Variants in LRRC71 observed in about 807,000 individuals in gnomAD.
LRRC71 encodes the protein leucine-rich repeat-containing protein 71.
A neutral mutation model predicts 66.6 loss-of-function variants in LRRC71; 54 were observed. The observed-to-expected ratio is 0.81, with a 90% CI of 0.65 to 1.02. The LOEUF is 1.02. Ranked by LOEUF, LRRC71 falls within the 50% of genes least tolerant of loss-of-function variation. LRRC71 has a pLI of 0.00. For missense variants in LRRC71, 724 were observed against 718.0 expected (o/e 1.01, Z -0.10); for synonymous variants, 323 against 303.9 (o/e 1.06, Z -0.65).
chr1:156,928,402 TTCTTCCTCTTATTCCTCCTCCTCC>T (rs1653649539), intron 9 of LRRC71, among the ~76,000 whole-genome samples: 1 of 136,790 alleles, frequency 7.3e-6, no homozygotes, highest in African/African-American at 3.0e-5. Flanking sequence ...CTTCTTCTTC[TTCTTCCTCTTATTCCTCCTCCTCC>T]TCTTCTTCTT....
At position 156,928,363 on chromosome 1, in the gene LRRC71, C is replaced by CTTCTTCTTCTTCTTCTTCTTCT. The variant is rs1653584959; in HGVS notation, c.996+360_996+361insTCTTCTTCTTCTTCTTCTTCTT. On this transcript the variant is annotated intron_variant, in intron 9 of 14. Coordinates refer to ENST00000337428, the MANE Select transcript of LRRC71 (RefSeq NM_144702.3). ...TTCTTCTTTCTTTCTCTTCTTCTTCCTCTTCTTCTTCTTCTTCTTCTTCTT... is the reference window on the plus strand; with the variant it reads ...TTCTTCTTTCTTTCTCTTCTTCTTCCTTCTTCTTCTTCTTCTTCTTCTTCTTCTTCTTCTTCTTCTTCTTCTT... Among the ~76,000 whole-genome samples, 38 of 98,820 alleles carry CTTCTTCTTCTTCTTCTTCTTCT rather than the reference C, an allele frequency of 3.8e-4. 1 individual carries two copies. Among genetic ancestry groups the CTTCTTCTTCTTCTTCTTCTTCT allele is most frequent in the African/African-American group, 1.8e-3 (33 of 18,772 alleles). The allele number at this position is 98,820 out of a possible 152,430, so 64.8% of individuals were successfully genotyped here.
At chr1:156,932,729 A>G in intron 14 of LRRC71, 124 bp from the exon 15 acceptor site, 1 of 1,504,354 alleles carries the variant, frequency 6.6e-7, no homozygotes, top group Non-Finnish European at 9.1e-7. Context: ...AGTATTAATC[A>G]CTCTGCTTTT....
chr1:156,932,902 T>C lies in LRRC71; in HGVS notation c.1613T>C (p.Leu538Pro). 1 of 1,607,008 alleles carries C rather than the reference T, an allele frequency of 6.2e-7. No individual in the cohort carries two copies. The highest frequency in any genetic ancestry group is 8.5e-7 in the Non-Finnish European group (1 of 1,176,732). The change falls in exon 15 of 15, where the codon CTG (leucine) becomes CCG (proline). Residue 538 changes from leucine to proline, a missense_variant. Physicochemically the swap from Leu to Pro is moderately conservative, Grantham distance 98. Transcript: ENST00000337428. Reference sequence around the variant, plus strand: ...CCTGCGTACGCCATAATCCAGGAGCTGATGTTGCCAAGGGATCCCATCAAG... The same window carrying C: ...CCTGCGTACGCCATAATCCAGGAGCCGATGTTGCCAAGGGATCCCATCAAG... ...QCPAYAIIQE[L>P]MLPRDPIKAK...
intron 2 of LRRC71, 59 bp from the exon 3 acceptor site, chr1:156,924,365 G>A: frequency 6.6e-7 from 1 of 1,522,940 alleles, no homozygotes; most frequent in Non-Finnish European, 8.8e-7. Flanking sequence ...CCCGTGGGCC[G>A]GCCCGGCGTG....
rs1652925601 is a variant in LRRC71 at position 156,924,696 on chromosome 1, C to T, written c.493C>T (p.Leu165Phe). ...LGVFSKCLPP[L>F]TQLQAINLWK... is the part of the protein sequence containing the mutation. Reference sequence around the variant, plus strand: ...TGTCTTCTCTAAATGTCTGCCCCCGCTTACCCAGCTACAGGCCATCAAGTG... The same window carrying T: ...TGTCTTCTCTAAATGTCTGCCCCCGTTTACCCAGCTACAGGCCATCAAGTG... Residue 165 changes from leucine (L) to phenylalanine (F), a missense_variant, in exon 4 of 15, where the codon CTT becomes TTT. Transcript: ENST00000337428. The T allele has an allele frequency of 6.4e-7, 1 of 1,551,720 alleles. No homozygotes were observed. Among genetic ancestry groups the T allele is most frequent in the Non-Finnish European group, 8.7e-7 (1 of 1,146,994 alleles).
chr1:156,935,488 A>C (rs890963861), downstream of LRRC71: 1 of 152,698 alleles, frequency 6.5e-6, no homozygotes, highest in African/African-American at 2.4e-5. Flanking sequence ...AGGAACAAAA[A>C]AGGTCAAAGT....
intron 4 of LRRC71, 58 bp downstream of exon 4, chr1:156,924,776 G>A: frequency 6.5e-7 from 1 of 1,541,278 alleles, no homozygotes; most frequent in South Asian, 1.2e-5. Flanking sequence ...GCTCCTGGTG[G>A]CTTGGGAGAG....
chr1:156,924,660 C>T lies in LRRC71; in HGVS notation c.457C>T (p.Arg153Trp), dbSNP rs1161328332. Reference protein sequence around the residue: ...IYIRGWKVEERILGVFSKCLP... With the variant: ...IYIRGWKVEEWILGVFSKCLP... ...GCCCGCAGGTTGGAAGGTTGAGGAA[C>T]GGATTCTGGGTGTCTTCTCTAAATG... is the stretch of plus-strand genomic sequence containing the variant. Residue 153 changes from arginine (R) to tryptophan (W), a missense_variant, in exon 4 of 15, where the codon CGG (arginine) becomes TGG (tryptophan). By Grantham distance (101) the Arg-to-Trp change is moderately radical (BLOSUM62 -3). Transcript: ENST00000337428. 13 of 1,551,194 alleles carry T rather than the reference C, an allele frequency of 8.4e-6. No homozygotes were observed. The highest frequency in any genetic ancestry group is 2.4e-5 in the East Asian group (1 of 40,884).
downstream of LRRC71, chr1:156,937,315 G>A (rs866278387): frequency 6.2e-7 from 1 of 1,613,974 alleles, no homozygotes. Context: ...CGTCCCTGAG[G>A]GCCAGGCTTG....
intron 2 of LRRC71, 104 bp from the exon 3 acceptor site, chr1:156,924,320 C>A: frequency 6.9e-7 from 1 of 1,452,512 alleles, no homozygotes; most frequent in Non-Finnish European, 9.2e-7. Context: ...GCCGGCGCCT[C>A]CCCTCTGGCG....
At chr1:156,938,076 G>A (rs1449977912), downstream of LRRC71, among the ~76,000 whole-genome samples, 7 of 152,204 alleles carry the variant, frequency 4.6e-5, no homozygotes, top group Admixed American at 2.0e-4. Flanking sequence ...ACACTGGAGC[G>A]GCGGCTGAGG....
At chr1:156,936,526 A>ATATATATATATATATATATATATAT (rs1655356160), downstream of LRRC71, among the ~76,000 whole-genome samples, 1 of 132,374 alleles carries the variant, frequency 7.6e-6, no homozygotes, top group African/African-American at 2.9e-5. Context: ...ATATATATAT[A>ATATATATATATATATATATATATAT]AAATTAAAAA....
At position 156,926,815 on chromosome 1, in the gene LRRC71, A is replaced by G. The variant is rs1653280222; in HGVS notation, c.594-387A>G. 2.6e-5 allele frequency among the ~76,000 whole-genome samples: 4 copies of G among 152,218 alleles called. No individual in the cohort carries two copies. The South Asian group carries it at 8.3e-4, about 32-fold the overall frequency. ...GGTCTCGAACTCCTGAGCTCAGGCAATCTGCCCGCCTTGGCCTCAAAAAGT... is the reference window on the plus strand; with the variant it reads ...GGTCTCGAACTCCTGAGCTCAGGCAGTCTGCCCGCCTTGGCCTCAAAAAGT... On this transcript the variant is annotated intron_variant, in intron 5 of 14. Transcript: ENST00000337428.
At chr1:156,938,586 A>T in the LRRC71 span, 1 of 1,465,942 alleles carries the variant, frequency 6.8e-7, no homozygotes, top group South Asian at 1.2e-5. Flanking sequence ...AGAGAACAGG[A>T]AGGAGAGAGG....
intron 5 of LRRC71, among the ~76,000 whole-genome samples, 198 bp downstream of exon 5, chr1:156,925,213 C>A (rs1653015231): frequency 6.6e-6 from 1 of 152,192 alleles, no homozygotes; most frequent in Non-Finnish European, 1.5e-5. Flanking sequence ...TTTCTGCCCA[C>A]ACCAGCACCC....
At position 156,929,393 on chromosome 1, in the gene LRRC71, C is replaced by A; in HGVS notation, c.1110C>A (p.Thr370=). 6.2e-7 allele frequency: 1 copy of A among 1,613,822 alleles called. No homozygotes were observed. Among genetic ancestry groups the A allele is most frequent in the Non-Finnish European group, 8.5e-7 (1 of 1,179,838 alleles). The change falls in exon 10 of 15, where the codon ACC becomes ACA. Residue 370 remains threonine, a synonymous_variant. Transcript: ENST00000337428. ...DKTDKTQTMK[T]PKGLGKKKEK... ...CAGACAAGACGCAGACAATGAAAAC[C>A]CCTAAGGGCCTGGGCAAGAAAAAGG...
rs1653927484 is a variant in LRRC71, at chr1:156,929,403, C to T, written c.1120C>T (p.Leu374=). The change falls in exon 10 of 15, where the codon CTG becomes TTG. Residue 374 remains leucine, a synonymous_variant. Transcript: ENST00000337428. ...KTQTMKTPKG[L]GKKKEKSWEL... ...GCAGACAATGAAAACCCCTAAGGGC[C>T]TGGGCAAGAAAAAGGAGAAATCATG... is the stretch of plus-strand genomic sequence containing the variant. 1 of 1,613,748 alleles carries T rather than the reference C, an allele frequency of 6.2e-7. No homozygotes were observed.
chr1:156,932,262 T>A, intron 13 of LRRC71, 162 bp from the exon 14 acceptor site: 1 of 675,710 alleles, frequency 1.5e-6, no homozygotes, highest in South Asian at 1.8e-5. Context: ...GGGGAGTGTG[T>A]GAGTAAGAGC....
At chr1:156,937,411 A>G, downstream of LRRC71, 1 of 1,591,084 alleles carries the variant, frequency 6.3e-7, no homozygotes, top group South Asian at 1.2e-5. Flanking sequence ...GGAGGCTGTC[A>G]GGCTGAGGGG....
Sources: allele counts gnomAD v4.1 joint callset (sites outside exome capture counted in the v4.1 genomes callset), GRCh38; gene constraint gnomAD v4.1.1; transcripts MANE v1.5; gene names NCBI Gene and HGNC (gene_info 2026-07-23, HGNC 2026-07-21).